The following KAZN variants were observed in gnomAD, a reference collection of about 807,000 sequenced individuals.
The protein encoded by KAZN is kazrin, periplakin interacting protein.
In KAZN, 40 loss-of-function variants were observed where a neutral mutation model predicts 87.4. The ratio of observed to expected loss-of-function variants is 0.46; its 90% CI spans 0.36 to 0.60. The LOEUF (loss-of-function observed/expected upper bound fraction) is 0.60. KAZN is among the 20% of genes least tolerant of loss of function. The pLI is 0.00. For missense variants in KAZN, 898 were observed against 1,073.9 expected (o/e 0.84, Z 2.29); for synonymous variants, 466 against 458.3 (o/e 1.02, Z -0.22).
At chr1:14,178,645 A>G (rs866462210) in intron 1 of KAZN, among the ~76,000 whole-genome samples, 2 of 152,184 alleles carry the variant, frequency 1.3e-5, no homozygotes, top group African/African-American at 4.8e-5. Context: ...TGCTAATACT[A>G]TCACTTCTGT....
At chr1:14,440,965 C>T (rs147143402) in intron 2 of KAZN, among the ~76,000 whole-genome samples, 39 of 152,280 alleles carry the variant, frequency 2.6e-4, no homozygotes, top group African/African-American at 8.7e-4. Context: ...ACCACAATCA[C>T]CCCCAGTCCC....
At chr1:14,076,008 G>A (rs960594765) in intron 1 of KAZN, among the ~76,000 whole-genome samples, 12 of 152,136 alleles carry the variant, frequency 7.9e-5, no homozygotes, top group African/African-American at 2.9e-4. Flanking sequence ...TAGACTGGGC[G>A]CGGTGGCTCA....
intron 1 of KAZN, among the ~76,000 whole-genome samples, chr1:14,104,286 G>A (rs1156852790): frequency 6.6e-6 from 1 of 152,194 alleles, no homozygotes; most frequent in African/African-American, 2.4e-5. Flanking sequence ...GAGGAGGTCT[G>A]TCCTCAACTC....
intron 8 of KAZN, among the ~76,000 whole-genome samples, chr1:15,089,728 T>G (rs939037023): frequency 1.8e-5 from 2 of 112,974 alleles, no homozygotes; most frequent in African/African-American, 3.7e-5. Context: ...GAAGCTTTTA[T>G]TGGCAAAAAA....
chr1:14,598,615 C>A, upstream of KAZN: 1 of 1,081,558 alleles, frequency 9.2e-7, no homozygotes, highest in South Asian at 3.8e-5. This position sits in a 1 kb window ranked among gnomAD's most constrained non-coding sequence, Gnocchi z 4.2. Flanking sequence ...AGCCTCCGAC[C>A]GAGACCCCCT....
intron 1 of KAZN, among the ~76,000 whole-genome samples, chr1:14,623,214 A>T (rs1232169953): frequency 1.3e-5 from 2 of 152,244 alleles, no homozygotes; most frequent in African/African-American, 2.4e-5. Flanking sequence ...AAAGATATGG[A>T]ATCCACTTAA....
At chr1:14,088,965 T>TC (rs2101612863) in intron 1 of KAZN, among the ~76,000 whole-genome samples, 1 of 151,684 alleles carries the variant, frequency 6.6e-6, no homozygotes, top group Admixed American at 6.6e-5. Flanking sequence ...ATTTTTTTTT[T>TC]TTTGATTAGT....
chr1:14,106,767 A>G (rs780150796), intron 1 of KAZN, among the ~76,000 whole-genome samples: 4 of 152,168 alleles, frequency 2.6e-5, no homozygotes, highest in Non-Finnish European at 5.9e-5. Flanking sequence ...TGTGAATGAT[A>G]TATTTTGAGA....
At chr1:14,647,403 A>G (rs1447011535) in intron 1 of KAZN, among the ~76,000 whole-genome samples, 1 of 152,202 alleles carries the variant, frequency 6.6e-6, no homozygotes, top group Admixed American at 6.5e-5. Context: ...ATTTCTAAAG[A>G]GCTTTGCCTA....
At position 14,668,769 on chromosome 1, in the gene KAZN, A is replaced by G. The variant is rs184855760; in HGVS notation, c.226+69546A>G. ...TGTAAACGTCATCTCCCCTTCTGCG[A>G]CATGCATCTGAGAGCTCCTATTTTT... On this transcript the variant is annotated intron_variant, in intron 1 of 14. Coordinates refer to ENST00000376030, the MANE Select transcript of KAZN (RefSeq NM_201628.3). Among the ~76,000 whole-genome samples, 258 of 152,360 alleles carry G rather than the reference A, an allele frequency of 1.7e-3. 4 individuals carry two copies. In the South Asian group the frequency reaches 0.022, roughly 13 times the overall value.
chr1:14,353,877 A>G (rs1221356997), intron 2 of KAZN, among the ~76,000 whole-genome samples: 2 of 152,226 alleles, frequency 1.3e-5, no homozygotes, highest in Non-Finnish European at 2.9e-5. Flanking sequence ...AATTCCACCT[A>G]TCCTAATCAA....
intron 2 of KAZN, among the ~76,000 whole-genome samples, chr1:14,417,214 C>T (rs2101253136): frequency 6.6e-6 from 1 of 150,980 alleles, no homozygotes; most frequent in African/African-American, 2.4e-5. Flanking sequence ...CAAAGAAAAA[C>T]AATAATCCTA....
intron 2 of KAZN, among the ~76,000 whole-genome samples, chr1:14,512,350 T>C (rs1670951037): frequency 6.6e-6 from 1 of 152,084 alleles, no homozygotes; most frequent in Non-Finnish European, 1.5e-5. Flanking sequence ...TAGGATGTCA[T>C]TGTAGGATGT....
At position 14,507,701 on chromosome 1, in the gene KAZN, T is replaced by C. The variant is rs192013605; in HGVS notation, c.250-91282T>C. ...TTCTTAATTGAAAGCCTTGGGGCAA[T>C]GAATCAAACACTGATGGAATTCAGT... On this transcript the variant is annotated intron_variant, in intron 2 of 16. Transcript: ENST00000636203. Among the ~76,000 whole-genome samples the C allele has an allele frequency of 4.2e-3, 637 of 152,258 alleles. 10 individuals carry two copies. Among genetic ancestry groups the C allele is most frequent in the African/African-American group, 0.014 (576 of 41,548 alleles).
At chr1:14,056,319 G>T (rs61777745) in intron 1 of KAZN, among the ~76,000 whole-genome samples, 21,358 of 152,208 alleles carry the variant, frequency 0.14, 1,889 homozygotes, top group Middle Eastern at 0.26. Context: ...TAATCACAAG[G>T]GTTCTTCCAT....
At chr1:13,999,232 T>A (rs1295971965) in intron 1 of KAZN, among the ~76,000 whole-genome samples, 1 of 151,990 alleles carries the variant, frequency 6.6e-6, no homozygotes, top group Non-Finnish European at 1.5e-5. Flanking sequence ...ACCTGTAATC[T>A]CAGCACTCAG....
intron 2 of KAZN, among the ~76,000 whole-genome samples, chr1:14,590,432 G>T (rs529346588): frequency 2.0e-5 from 3 of 152,230 alleles, no homozygotes; most frequent in Non-Finnish European, 2.9e-5. Context: ...ATGACTTCAC[G>T]TATTAGAGGG....
chr1:14,063,770 C>T (rs1267594144), intron 1 of KAZN, among the ~76,000 whole-genome samples: 1 of 152,106 alleles, frequency 6.6e-6, no homozygotes, highest in Non-Finnish European at 1.5e-5. Flanking sequence ...GGTAAGTTTT[C>T]CCCATACTGT....
intron 2 of KAZN, among the ~76,000 whole-genome samples, chr1:14,282,550 C>G (rs1315507180): frequency 6.6e-6 from 1 of 152,162 alleles, no homozygotes; most frequent in Non-Finnish European, 1.5e-5. Flanking sequence ...CTAATTCTTT[C>G]CAAGACATTG....
Sources: gnomAD v4.1 joint callset for allele counts (sites outside exome capture counted in the v4.1 genomes callset) on GRCh38, gnomAD v4.1.1 for gene constraint, Gnocchi (gnomAD v3.1) non-coding constraint, MANE v1.5 for transcripts, NCBI Gene and HGNC (gene_info 2026-07-23, HGNC 2026-07-21) for gene names.